Variants in SP140 observed in about 807,000 individuals in gnomAD.
SP140 encodes nuclear body protein SP140.
Under a neutral mutation model 125.0 loss-of-function variants are expected in SP140, and 81 were observed. The ratio of observed to expected loss-of-function variants is 0.65; its 90% CI spans 0.54 to 0.78. SP140 has a LOEUF of 0.78. SP140 is among the 30% of genes least tolerant of loss of function. The pLI, the probability that SP140 is intolerant of heterozygous loss-of-function variation, is 0.00. For synonymous variants in SP140, 312 were observed against 354.0 expected, an observed-to-expected ratio of 0.88 and a Z score of 1.33; for missense variants, 858 against 1,037.0, an observed-to-expected ratio of 0.83 and a Z score of 2.37.
At chr2:230,252,474 G>C (rs1242722732) in intron 10 of SP140, among the ~76,000 whole-genome samples, 1 of 152,020 alleles carries the variant, frequency 6.6e-6, no homozygotes, top group Non-Finnish European at 1.5e-5. Context: ...AAGAAACCAA[G>C]ACAAGGAGAA....
intron 15 of SP140, among the ~76,000 whole-genome samples, chr2:230,281,734 G>A (rs1457825510): frequency 6.6e-6 from 1 of 152,172 alleles, no homozygotes; most frequent in Non-Finnish European, 1.5e-5. Flanking sequence ...GGATGTCTCA[G>A]TAGTTTGTTC....
At chr2:230,243,601 C>A in intron 4 of SP140, 130 bp from the exon 5 acceptor site, 1 of 674,324 alleles carries the variant, frequency 1.5e-6, no homozygotes, top group Non-Finnish European at 2.6e-6. Context: ...ATCCTCAGGT[C>A]AGGTTGTTTG....
rs933957 is a variant in SP140 at position 230,313,189 on chromosome 2, T to C, written c.*505T>C. 30,025 of 153,072 alleles carry C rather than the reference T, an allele frequency of 0.2. 3,795 individuals carry two copies. Among genetic ancestry groups the C allele is most frequent in the Non-Finnish European group, 0.28 (19,388 of 68,724 alleles). The allele number at this position is 153,072 out of a possible 1,614,324, so 9.5% of individuals were successfully genotyped here. ...TTTGTGGGACTCCTGTGCAAACATA[T>C]GTTATTAAAATTTTTTTCCTCCTGT... On this transcript the variant is annotated 3_prime_UTR_variant, in exon 27 of 27. Coordinates refer to ENST00000392045, the MANE Select transcript of SP140 (RefSeq NM_007237.5).
chr2:230,255,462 T>C lies in SP140; in HGVS notation c.1170T>C (p.Asp390=). 6.2e-7 allele frequency: 1 copy of C among 1,614,010 alleles called. No homozygotes were observed. Among genetic ancestry groups the C allele is most frequent in the Non-Finnish European group, 8.5e-7 (1 of 1,179,910 alleles). The change falls in exon 12 of 27, where the codon GAT becomes GAC. Residue 390 remains aspartate (D), a synonymous_variant. Coordinates refer to ENST00000392045, the MANE Select transcript of SP140 (RefSeq NM_007237.5). The part of the protein sequence containing the change: ...LLPGEGEEGS[D]DCSEMCDGEE... ...CCTTCCTTTCTGCAGAGGGCAGTGA[T>C]GACTGTTCGGAAATGTGTGATGGAG...
chr2:230,264,351 T>C (rs1011264340), intron 12 of SP140, among the ~76,000 whole-genome samples: 1 of 152,222 alleles, frequency 6.6e-6, no homozygotes, highest in Admixed American at 6.5e-5. Flanking sequence ...GCTATCTATT[T>C]GCTTGAATAT....
At chr2:230,271,818 T>G (rs2053973736) in intron 15 of SP140, among the ~76,000 whole-genome samples, 1 of 152,096 alleles carries the variant, frequency 6.6e-6, no homozygotes, top group African/African-American at 2.4e-5. Flanking sequence ...GTGTGCTTGG[T>G]AGAAACAACA....
At chr2:230,300,850 C>T (rs1014828872) in intron 22 of SP140, among the ~76,000 whole-genome samples, 2 of 152,126 alleles carry the variant, frequency 1.3e-5, no homozygotes, top group African/African-American at 4.8e-5. Flanking sequence ...TATTCAGCTA[C>T]TCAAGGAGAC....
At chr2:230,234,085 C>T (rs1247614088) in intron 1 of SP140, among the ~76,000 whole-genome samples, 1 of 152,218 alleles carries the variant, frequency 6.6e-6, no homozygotes, top group Non-Finnish European at 1.5e-5. Flanking sequence ...TTTACTGATA[C>T]TGATTTCTTG....
chr2:230,287,731 A>G (rs898052049), intron 17 of SP140, among the ~76,000 whole-genome samples, 161 bp from the exon 18 acceptor site: 1 of 152,332 alleles, frequency 6.6e-6, no homozygotes, highest in East Asian at 1.9e-4. Context: ...AACATTAGCT[A>G]TCTAATTCTT....
intron 10 of SP140, 149 bp downstream of exon 10, chr2:230,251,210 G>A (rs1341142286): frequency 4.4e-6 from 3 of 675,908 alleles, no homozygotes; most frequent in Non-Finnish European, 5.1e-6. Flanking sequence ...TTCTATACAT[G>A]GATATTTGAG....
chr2:230,197,717 T>C, the SP140 span, among the ~76,000 whole-genome samples: 1 of 152,150 alleles, frequency 6.6e-6, no homozygotes, highest in African/African-American at 2.4e-5. Flanking sequence ...AATTAATTTT[T>C]GTATAAGGTG....
At chr2:230,259,696 AAT>A (rs1491009113) in intron 12 of SP140, among the ~76,000 whole-genome samples, 1 of 149,612 alleles carries the variant, frequency 6.7e-6, no homozygotes, top group African/African-American at 2.5e-5. Context: ...CAAAAAAAAA[AAT>A]AGTCTCCAAT....
intron 4 of SP140, among the ~76,000 whole-genome samples, chr2:230,241,980 G>C (rs2048793448): frequency 1.3e-5 from 2 of 152,158 alleles, no homozygotes; most frequent in South Asian, 4.1e-4. Context: ...TGGATATGGA[G>C]AGAGAGGGGA....
chr2:230,297,758 T>C (rs548407012), intron 22 of SP140, among the ~76,000 whole-genome samples: 1 of 152,286 alleles, frequency 6.6e-6, no homozygotes, highest in Non-Finnish European at 1.5e-5. Context: ...AGACAGAGCC[T>C]GAAGTGGTAA....
At chr2:230,195,877 G>A in the SP140 span, among the ~76,000 whole-genome samples, 1 of 151,922 alleles carries the variant, frequency 6.6e-6, no homozygotes, top group African/African-American at 2.4e-5. Context: ...CATATAGAAG[G>A]TTAATATCCT....
rs1273326970 is a variant in SP140 at position 230,292,675 on chromosome 2, G to A, written c.1855G>A (p.Asp619Asn). 3 of 1,614,062 alleles carry A rather than the reference G, an allele frequency of 1.9e-6. No homozygotes were observed. The African/African-American group carries it at 4.0e-5, about 22-fold the overall frequency. The part of the protein sequence containing the change: ...GILVKCIQTE[D>N]GKWFTPTEFE... Reference sequence around the variant, plus strand: ...CTTGGTGAAGTGTATACAGACTGAGGATGGAAAATGGTTCACCCCCACGGA... The same window carrying A: ...CTTGGTGAAGTGTATACAGACTGAGAATGGAAAATGGTTCACCCCCACGGA... The change falls in exon 20 of 27, where the codon GAT becomes AAT. Residue 619 changes from aspartate to asparagine, a missense_variant. Asp to Asn is a conservative substitution (Grantham distance 23). This residue lies in a region of SP140 where 791 missense variants were observed against 869.5 expected (regional missense o/e 0.91). Coordinates refer to ENST00000392045, the MANE Select transcript of SP140 (RefSeq NM_007237.5).
chr2:230,250,002 A>G (rs1049841906), intron 9 of SP140, among the ~76,000 whole-genome samples: 1 of 152,220 alleles, frequency 6.6e-6, no homozygotes, highest in South Asian at 2.1e-4. Context: ...TCTTCCATCC[A>G]TGTGCCTGAA....
At chr2:230,313,812 TA>T (rs1405934056), downstream of SP140, among the ~76,000 whole-genome samples, 1 of 152,150 alleles carries the variant, frequency 6.6e-6, no homozygotes, top group African/African-American at 2.4e-5. Context: ...TTTTCACCTG[TA>T]GTAAATTGGA....
At chr2:230,289,549 A>C (rs896793560) in intron 18 of SP140, among the ~76,000 whole-genome samples, 2 of 152,142 alleles carry the variant, frequency 1.3e-5, no homozygotes, top group African/African-American at 4.8e-5. Context: ...GTGTGATCTC[A>C]CTGCAGACTC....
Sources: allele counts gnomAD v4.1 joint callset (sites outside exome capture counted in the v4.1 genomes callset), GRCh38; gene constraint gnomAD v4.1.1; regional missense constraint gnomAD v4.1.1; transcripts MANE v1.5; gene names NCBI Gene and HGNC (gene_info 2026-07-23, HGNC 2026-07-21).